Variants in DDX31 observed in about 807,000 individuals in gnomAD.
DDX31 encodes the protein DEAD-box helicase 31, also known as ATP-dependent DNA helicase DDX31.
In DDX31, 70 loss-of-function variants were observed where a neutral mutation model predicts 91.3. The ratio of observed to expected loss-of-function variants is 0.77; its 90% CI spans 0.63 to 0.94. The LOEUF (loss-of-function observed/expected upper bound fraction) is 0.94, where lower values mean the gene tolerates loss of function less well. DDX31 is among the 40% of genes least tolerant of loss of function. The probability of loss-of-function intolerance (pLI) is 0.00; values close to 1 mark genes in which losing one functional copy is unlikely to be tolerated. For synonymous variants in DDX31, 362 were observed against 350.6 expected (o/e 1.03, Z -0.36); for missense variants, 902 against 925.0 (o/e 0.98, Z 0.32).
chr9:132,658,790 A>G (rs1232090385), intron 5 of DDX31, 55 bp from the exon 6 acceptor site: 1 of 1,537,868 alleles, frequency 6.5e-7, no homozygotes, highest in African/African-American at 1.4e-5. Context: ...GATGTTTAAG[A>G]AAAGCAAAGG....
At chr9:132,605,815 G>T (rs368571457) in intron 19 of DDX31, among the ~76,000 whole-genome samples, 1 of 152,136 alleles carries the variant, frequency 6.6e-6, no homozygotes, top group East Asian at 1.9e-4. Context: ...TTGTGAGGAG[G>T]GGGGTTTGTT....
intron 1 of DDX31, chr9:132,663,433 C>G: frequency 1.0e-6 from 1 of 985,426 alleles, no homozygotes; most frequent in Non-Finnish European, 1.2e-6. Flanking sequence ...TTACAGGCTA[C>G]ACAGCACTAG....
intron 14 of DDX31, among the ~76,000 whole-genome samples, chr9:132,640,071 G>GC (rs1833394791): frequency 6.6e-6 from 1 of 152,178 alleles, no homozygotes; most frequent in Non-Finnish European, 1.5e-5. Flanking sequence ...CCTGCTCTGT[G>GC]CTAGACACTG....
chr9:132,665,433 C>T (rs1835244638), intron 1 of DDX31, among the ~76,000 whole-genome samples: 1 of 152,094 alleles, frequency 6.6e-6, no homozygotes, highest in Admixed American at 6.5e-5. Flanking sequence ...TACATTGGTG[C>T]TACAGAAGAG....
Position 132,595,100 on chromosome 9 carries a change from A to C in DDX31, c.2007T>G (p.His669Gln). The C allele has an allele frequency of 6.2e-7, 1 of 1,614,080 alleles. No individual in the cohort carries two copies. The highest frequency in any genetic ancestry group is 1.1e-5 in the South Asian group (1 of 91,078). The change falls in exon 20 of 20, where the codon CAT becomes CAG. Residue 669 changes from histidine to glutamine, a missense_variant. Transcript: ENST00000372159. The surrounding 1 kb of genome is among the most constrained non-coding windows in gnomAD (Gnocchi z 4.6). ...RKAHVKRPDL[H>Q]KKTQSKHSLA... ...GGCTGTGTTTACTCTGGGTCTTCTT[A>C]TGAAGGTCAGGCCTGAAGAACAGTA... is the stretch of plus-strand genomic sequence containing the variant.
At chr9:132,650,189 G>A in intron 9 of DDX31, 45 bp downstream of exon 9, 2 of 1,578,816 alleles carry the variant, frequency 1.3e-6, no homozygotes, top group Non-Finnish European at 1.7e-6. Flanking sequence ...TAGGAAGGCA[G>A]GACACATTCA....
chr9:132,648,371 A>C (rs1833965587), intron 10 of DDX31, 61 bp downstream of exon 10: 1 of 1,605,748 alleles, frequency 6.2e-7, no homozygotes, highest in Non-Finnish European at 8.5e-7. Flanking sequence ...CAGAAGTTGC[A>C]ACAAGGAGAG....
rs906160232 is a variant in DDX31, at chr9:132,651,416, T to C, written c.634-300A>G. ...CACACAGAGAAGTTCAAGTCTGTGG[T>C]GCACAAAAACGTAAGAGAATGAAAC... On this transcript the variant is annotated intron_variant, in intron 7 of 19. Coordinates refer to ENST00000372159, the MANE Select transcript of DDX31 (RefSeq NM_022779.9). Among the ~76,000 whole-genome samples the C allele has an allele frequency of 2.0e-5, 3 of 152,288 alleles. No homozygotes were observed. The Middle Eastern group carries it at 0.01, about 518-fold the overall frequency.
chr9:132,664,804 T>C (rs1042256223), intron 1 of DDX31, among the ~76,000 whole-genome samples: 18 of 151,388 alleles, frequency 1.2e-4, no homozygotes, highest in African/African-American at 3.6e-4. Context: ...TCAGCTTTAC[T>C]CTCTGCCACT....
At chr9:132,664,163 C>G (rs1835159221) in intron 1 of DDX31, among the ~76,000 whole-genome samples, 1 of 152,266 alleles carries the variant, frequency 6.6e-6, no homozygotes, top group African/African-American at 2.4e-5. Context: ...CCTTGAACAT[C>G]TACCTAATAG....
At chr9:132,605,945 G>C in intron 19 of DDX31, among the ~76,000 whole-genome samples, 1 of 152,156 alleles carries the variant, frequency 6.6e-6, no homozygotes, top group East Asian at 1.9e-4. Flanking sequence ...AGGAAGACTC[G>C]GTGGGAGACT....
chr9:132,642,008 C>G lies in DDX31; in HGVS notation c.1436G>C (p.Cys479Ser), dbSNP rs144782120. 315 of 1,614,034 alleles carry G rather than the reference C, an allele frequency of 2.0e-4. 1 individual carries two copies. The African/African-American group carries it at 3.9e-3, about 20-fold the overall frequency. ...GGAACACAGGAGGATACGTACCGTG[C>G]AAAGAAGGACGCCTCTTCTGGAATG... ...FSHSRRGVLL[C>S]TDVAARGLDL... Residue 479 changes from cysteine (C) to serine (S), a missense_variant, in exon 14 of 20, where the codon TGC (cysteine) becomes TCC (serine). Coordinates refer to ENST00000372159, the MANE Select transcript of DDX31 (RefSeq NM_022779.9).
intron 19 of DDX31, among the ~76,000 whole-genome samples, chr9:132,608,396 G>A (rs1342697472): frequency 5.3e-5 from 8 of 152,136 alleles, no homozygotes; most frequent in African/African-American, 1.2e-4. Context: ...TTGGGGCCAC[G>A]AACTATTTAT....
intron 19 of DDX31, among the ~76,000 whole-genome samples, chr9:132,611,275 CCAAA>C (rs1831321787): frequency 6.6e-6 from 1 of 152,168 alleles, no homozygotes; most frequent in Non-Finnish European, 1.5e-5. Context: ...TCTCTGTGCC[CCAAA>C]CATTTGTTCA....
intron 6 of DDX31, among the ~76,000 whole-genome samples, chr9:132,656,813 T>C (rs1834600286): frequency 6.6e-6 from 1 of 152,226 alleles, no homozygotes; most frequent in South Asian, 2.1e-4. Flanking sequence ...ACTGGCAAGA[T>C]GCTCTCCTGG....
At chr9:132,650,450 A>G (rs1834116482) in intron 8 of DDX31, 152 bp from the exon 9 acceptor site, 1 of 712,866 alleles carries the variant, frequency 1.4e-6, no homozygotes, top group Non-Finnish European at 2.5e-6. Context: ...ATTCCTAGGC[A>G]TTGCTACACC....
chr9:132,638,144 C>T (rs1833243685), intron 14 of DDX31: 1 of 1,384,074 alleles, frequency 7.2e-7, no homozygotes, highest in Non-Finnish European at 9.4e-7. Flanking sequence ...GGGCGGGCTG[C>T]AGGTATCTTT....
chr9:132,656,558 C>T (rs551438475), intron 6 of DDX31, among the ~76,000 whole-genome samples: 7 of 152,258 alleles, frequency 4.6e-5, no homozygotes, highest in East Asian at 1.9e-4. Context: ...AGGCACTGAC[C>T]GCTACCATCC....
intron 9 of DDX31, among the ~76,000 whole-genome samples, chr9:132,648,831 T>C (rs1834002059): frequency 6.6e-6 from 1 of 152,192 alleles, no homozygotes; most frequent in African/African-American, 2.4e-5. Context: ...TTTATCTGAC[T>C]CATAAATCCT....
Sources: gnomAD v4.1 joint callset for allele counts (sites outside exome capture counted in the v4.1 genomes callset) on GRCh38, gnomAD v4.1.1 for gene constraint, Gnocchi (gnomAD v3.1) non-coding constraint, MANE v1.5 for transcripts, NCBI Gene and HGNC (gene_info 2026-07-23, HGNC 2026-07-21) for gene names.